RORA: variants seen among roughly 807,000 people sequenced by gnomAD.
RORA encodes the protein nuclear receptor ROR-alpha.
In RORA, 7 loss-of-function variants were observed where a neutral mutation model predicts 69.5. The observed-to-expected ratio is 0.10, with a 90% CI of 0.06 to 0.19. RORA has a LOEUF of 0.19. RORA is among the 10% of genes least tolerant of loss of function. RORA has a pLI of 1.00. For missense variants in RORA, 457 were observed against 663.0 expected (o/e 0.69, Z 3.41); for synonymous variants, 261 against 240.8 (o/e 1.08, Z -0.78).
intron 2 of RORA, among the ~76,000 whole-genome samples, chr15:60,619,425 T>C (rs987452357): frequency 2.6e-5 from 4 of 152,230 alleles, no homozygotes; most frequent in Admixed American, 6.5e-5. Flanking sequence ...TCACAGATGA[T>C]GTATCATGAT....
intron 2 of RORA, among the ~76,000 whole-genome samples, chr15:60,665,025 T>C (rs1362443636): frequency 6.6e-6 from 1 of 152,228 alleles, no homozygotes; most frequent in Non-Finnish European, 1.5e-5. Flanking sequence ...TTGAAATTAT[T>C]GGTTCCTGCT....
chr15:60,761,232 C>G (rs769557508), intron 1 of RORA, among the ~76,000 whole-genome samples: 21 of 152,186 alleles, frequency 1.4e-4, no homozygotes, highest in Non-Finnish European at 7.3e-5. Context: ...ACACTTCCCA[C>G]TCACCAGTTG....
chr15:60,542,410 G>A (rs1045926544), intron 2 of RORA, among the ~76,000 whole-genome samples: 1 of 148,590 alleles, frequency 6.7e-6, no homozygotes, highest in Admixed American at 6.6e-5. Flanking sequence ...CATATACCAT[G>A]CTCACACACA....
chr15:60,957,494 T>G (rs1249594877), intron 1 of RORA, among the ~76,000 whole-genome samples: 6 of 152,250 alleles, frequency 3.9e-5, no homozygotes, highest in Non-Finnish European at 8.8e-5. Flanking sequence ...AGGCCTAATG[T>G]CCCAGGATTT....
At position 61,147,168 on chromosome 15, in the gene RORA, GA is replaced by G. The variant is rs1343396413; in HGVS notation, c.166+81884del. Among the ~76,000 whole-genome samples, 1 of 152,164 alleles carries G rather than the reference GA, an allele frequency of 6.6e-6. No homozygotes were observed. The highest frequency in any genetic ancestry group is 1.5e-5 in the Non-Finnish European group (1 of 68,036). ...ATTTTCGGGCTTATTTTATTCCCCA[GA>G]ACCTTTGCATGCGTCAACCACTAGT... On this transcript the variant is annotated intron_variant, in intron 1 of 10. Coordinates refer to ENST00000335670, the MANE Select transcript of RORA (RefSeq NM_134261.3). The surrounding 1 kb of genome is among the most constrained non-coding windows in gnomAD (Gnocchi z 4.1).
chr15:60,781,569 T>G (rs2072256719), intron 1 of RORA, among the ~76,000 whole-genome samples: 1 of 151,946 alleles, frequency 6.6e-6, no homozygotes, highest in African/African-American at 2.4e-5. Flanking sequence ...CACGGGCAAG[T>G]GCAGGGACGG....
intron 1 of RORA, among the ~76,000 whole-genome samples, chr15:61,027,741 T>TA (rs1215046889): frequency 6.6e-6 from 1 of 152,206 alleles, no homozygotes; most frequent in Non-Finnish European, 1.5e-5. Flanking sequence ...AGATAGTACC[T>TA]AAAACTATGG....
At chr15:60,997,952 T>A (rs1489229974) in intron 1 of RORA, among the ~76,000 whole-genome samples, 1 of 152,236 alleles carries the variant, frequency 6.6e-6, no homozygotes, top group Non-Finnish European at 1.5e-5. Context: ...ACACATTGTT[T>A]ATGGAGAGAG....
chr15:60,808,651 G>A (rs1344075070), intron 1 of RORA, among the ~76,000 whole-genome samples: 1 of 150,508 alleles, frequency 6.6e-6, no homozygotes, highest in Non-Finnish European at 1.5e-5. Flanking sequence ...GCAAAAATAT[G>A]GAACCAGCCC....
At position 60,838,056 on chromosome 15, in the gene RORA, G is replaced by A. The variant is rs927905071; in HGVS notation, c.167-159370C>T. 7.2e-5 allele frequency among the ~76,000 whole-genome samples: 11 copies of A among 152,234 alleles called. No homozygotes were observed. The East Asian group carries it at 1.9e-3, about 27-fold the overall frequency. Reference sequence around the variant, plus strand: ...TAGTGGACCATCCAGATCCTTCAAGGCTTGGCTTCCAAGTCCTTCTCTGAA... The same window carrying A: ...TAGTGGACCATCCAGATCCTTCAAGACTTGGCTTCCAAGTCCTTCTCTGAA... On this transcript the variant is annotated intron_variant, in intron 1 of 10. Transcript: ENST00000335670.
At chr15:60,630,918 C>T (rs1006411594) in intron 2 of RORA, among the ~76,000 whole-genome samples, 10 of 117,794 alleles carry the variant, frequency 8.5e-5, no homozygotes, top group Admixed American at 3.9e-4. Context: ...GACGGAGTCT[C>T]GCTCTGTCAC....
chr15:60,878,550 C>T (rs974504865), intron 1 of RORA, among the ~76,000 whole-genome samples: 1 of 152,084 alleles, frequency 6.6e-6, no homozygotes, highest in Non-Finnish European at 1.5e-5. Flanking sequence ...TTTGAGGCTC[C>T]GCCTGCTCGC....
intron 1 of RORA, among the ~76,000 whole-genome samples, chr15:61,132,037 CCTCT>C (rs1023799042): frequency 2.6e-5 from 4 of 152,160 alleles, no homozygotes; most frequent in African/African-American, 9.7e-5. Context: ...TCCCTCCCTC[CCTCT>C]CTCTTTTTAA....
At position 61,040,161 on chromosome 15, in the gene RORA, T is replaced by A. The variant is rs867248610; in HGVS notation, c.166+188892A>T. Among the ~76,000 whole-genome samples, 6 of 116,630 alleles carry A rather than the reference T, an allele frequency of 5.1e-5. No individual in the cohort carries two copies. The East Asian group carries it at 1.3e-3, about 24-fold the overall frequency. 76.5% of individuals were successfully genotyped at this position (116,630 alleles called of 152,430 possible). ...ATATATATATATATATATATATATA[T>A]ATAAAATATATGAAATATACATTAT... On this transcript the variant is annotated intron_variant, in intron 1 of 10. Coordinates refer to ENST00000335670, the MANE Select transcript of RORA (RefSeq NM_134261.3).
chr15:61,132,591 T>C (rs1408020672), intron 1 of RORA, among the ~76,000 whole-genome samples: 1 of 152,188 alleles, frequency 6.6e-6, no homozygotes, highest in Admixed American at 6.5e-5. Flanking sequence ...ATAATTCCAG[T>C]TGTAAAAAAA....
intron 2 of RORA, among the ~76,000 whole-genome samples, chr15:60,576,612 A>C (rs2068033237): frequency 6.6e-6 from 1 of 152,228 alleles, no homozygotes; most frequent in Admixed American, 6.5e-5. Flanking sequence ...GTGTAATGGA[A>C]CTGATTCTGC....
chr15:60,503,331 C>T (rs1006225186), intron 7 of RORA, among the ~76,000 whole-genome samples: 1 of 152,038 alleles, frequency 6.6e-6, no homozygotes, highest in South Asian at 2.1e-4. Flanking sequence ...AATCTTTTCA[C>T]CCAGAAGAGA....
intron 1 of RORA, among the ~76,000 whole-genome samples, chr15:60,886,297 G>C (rs1220825271): frequency 6.6e-6 from 1 of 152,160 alleles, no homozygotes; most frequent in Non-Finnish European, 1.5e-5. Context: ...TCTAACTCGG[G>C]ATTTCATTGA....
At chr15:60,973,008 A>AC (rs1291722534) in intron 1 of RORA, among the ~76,000 whole-genome samples, 7 of 151,294 alleles carry the variant, frequency 4.6e-5, no homozygotes, top group Non-Finnish European at 1.0e-4. Flanking sequence ...AAAAAAAAAA[A>AC]CAATCAATGA....
Sources: allele counts gnomAD v4.1 joint callset (sites outside exome capture counted in the v4.1 genomes callset), GRCh38; gene constraint gnomAD v4.1.1; non-coding constraint Gnocchi (gnomAD v3.1); transcripts MANE v1.5; gene names NCBI Gene and HGNC (gene_info 2026-07-23, HGNC 2026-07-21).